The following CACNG2 variants were observed in gnomAD, a reference collection of about 807,000 sequenced individuals.
CACNG2 encodes the protein voltage-dependent calcium channel gamma-2 subunit.
A neutral mutation model predicts 25.9 loss-of-function variants in CACNG2; 3 were observed. That is an observed-to-expected ratio of 0.12 (90% CI 0.05 to 0.30). The LOEUF (loss-of-function observed/expected upper bound fraction) is 0.30. CACNG2 is among the 10% of genes least tolerant of loss of function. The pLI is 1.00. For missense variants in CACNG2, 341 were observed against 432.5 expected, an observed-to-expected ratio of 0.79 and a Z score of 1.88; for synonymous variants, 167 against 173.3, an observed-to-expected ratio of 0.96 and a Z score of 0.29.
chr22:36,564,595 G>C lies in CACNG2; in HGVS notation c.728C>G (p.Ser243Cys). ...YQRRSRSSSR[S>C]TEPSHSRDAS... Reference sequence around the variant, plus strand: ...GTCCCTGGAGTGTGAGGGCTCCGTGGAGCGCGAGCTGGAGCGGCTGCGGCG... The same window carrying C: ...GTCCCTGGAGTGTGAGGGCTCCGTGCAGCGCGAGCTGGAGCGGCTGCGGCG... Residue 243 changes from serine (S) to cysteine (C), a missense_variant, in exon 4 of 4, where the codon TCC becomes TGC. Around this residue, in one of 2 missense-constraint regions of CACNG2, gnomAD observed 172 missense variants for 178.1 expected, o/e 0.97. Coordinates refer to ENST00000300105, the MANE Select transcript of CACNG2 (RefSeq NM_006078.5). This position sits in a 1 kb window ranked among gnomAD's most constrained non-coding sequence, Gnocchi z 6.7. 6.2e-7 allele frequency: 1 copy of C among 1,614,038 alleles called. No individual in the cohort carries two copies. The highest frequency in any genetic ancestry group is 8.5e-7 in the Non-Finnish European group (1 of 1,179,974).
At chr22:36,671,612 C>G (rs1046054096) in intron 1 of CACNG2, among the ~76,000 whole-genome samples, 1 of 152,184 alleles carries the variant, frequency 6.6e-6, no homozygotes, top group African/African-American at 2.4e-5. Context: ...GAATCGCCAA[C>G]AAACAATTTT....
chr22:36,697,578 G>C (rs1332724234), intron 1 of CACNG2, among the ~76,000 whole-genome samples: 5 of 152,240 alleles, frequency 3.3e-5, no homozygotes, highest in Non-Finnish European at 7.3e-5. Flanking sequence ...CACCTGGAAA[G>C]AGGAAGCAAG....
At chr22:36,592,821 C>T (rs945035344) in intron 1 of CACNG2, among the ~76,000 whole-genome samples, 5 of 152,150 alleles carry the variant, frequency 3.3e-5, no homozygotes, top group Middle Eastern at 3.2e-3. Flanking sequence ...TTGTCCTCTA[C>T]GGTTCGACTA....
At chr22:36,680,659 CACCACCA>C (rs1937104285) in intron 1 of CACNG2, among the ~76,000 whole-genome samples, 1 of 142,140 alleles carries the variant, frequency 7.0e-6, no homozygotes, top group Non-Finnish European at 1.5e-5. Context: ...TCACCACCAT[CACCACCA>C]TCTTCATGAT....
chr22:36,699,275 A>ACACACACACACACAGACTTTT (rs1555902360), intron 1 of CACNG2, among the ~76,000 whole-genome samples: 14 of 147,656 alleles, frequency 9.5e-5, no homozygotes, highest in African/African-American at 3.5e-4. Context: ...ACACACACAC[A>ACACACACACACACAGACTTTT]CAGACTTTTC....
At chr22:36,659,498 C>A (rs1936757141) in intron 1 of CACNG2, among the ~76,000 whole-genome samples, 1 of 152,086 alleles carries the variant, frequency 6.6e-6, no homozygotes, top group African/African-American at 2.4e-5. Flanking sequence ...TGCCCAAGTT[C>A]ATGAATCCAG....
chr22:36,658,902 G>C (rs1166557923), intron 1 of CACNG2, among the ~76,000 whole-genome samples: 1 of 152,188 alleles, frequency 6.6e-6, no homozygotes, highest in Non-Finnish European at 1.5e-5. Flanking sequence ...CCTGGTATTG[G>C]GGTGGGGACA....
At chr22:36,690,316 G>C (rs1472222224) in intron 1 of CACNG2, among the ~76,000 whole-genome samples, 1 of 152,190 alleles carries the variant, frequency 6.6e-6, no homozygotes, top group Non-Finnish European at 1.5e-5. Flanking sequence ...TCTTGCTGAT[G>C]GCTGCCAAGC....
At chr22:36,613,659 G>A (rs144919128) in intron 1 of CACNG2, among the ~76,000 whole-genome samples, 2,026 of 151,632 alleles carry the variant, frequency 0.013, 30 homozygotes, top group Non-Finnish European at 0.021. Flanking sequence ...TCTGGCTTCC[G>A]TTTTCACTTA....
At chr22:36,648,529 G>A (rs2145973003) in intron 1 of CACNG2, among the ~76,000 whole-genome samples, 1 of 152,178 alleles carries the variant, frequency 6.6e-6, no homozygotes, top group African/African-American at 2.4e-5. Context: ...GCCCAGACAA[G>A]TCTACACTGG....
chr22:36,612,778 T>C (rs1202110660), intron 1 of CACNG2, among the ~76,000 whole-genome samples: 1 of 152,220 alleles, frequency 6.6e-6, no homozygotes, highest in East Asian at 1.9e-4. Flanking sequence ...AGCAGATGCC[T>C]GATATGTTTT....
chr22:36,566,306 C>T lies in CACNG2; in HGVS notation c.436+47G>A, dbSNP rs2267338. On this transcript the variant is annotated intron_variant, in intron 3 of 3. Coordinates refer to ENST00000300105, the MANE Select transcript of CACNG2 (RefSeq NM_006078.5). Reference sequence around the variant, plus strand: ...GGCCCTCGTGGCCCCTGAGCACCCACACCCCAGCCTTCTTCCCAGTGGCAG... The same window carrying T: ...GGCCCTCGTGGCCCCTGAGCACCCATACCCCAGCCTTCTTCCCAGTGGCAG... 3.0e-5 allele frequency: 48 copies of T among 1,606,056 alleles called. No homozygotes were observed. The East Asian group carries it at 1.1e-3, about 36-fold the overall frequency.
At chr22:36,579,078 T>C (rs554287299) in intron 2 of CACNG2, among the ~76,000 whole-genome samples, 12 of 152,072 alleles carry the variant, frequency 7.9e-5, no homozygotes, top group African/African-American at 2.7e-4. Context: ...ACAAGACCTC[T>C]CTCTTACTTC....
chr22:36,601,132 A>G (rs774322011), intron 1 of CACNG2, among the ~76,000 whole-genome samples: 12 of 151,830 alleles, frequency 7.9e-5, no homozygotes, highest in Non-Finnish European at 1.8e-4. Context: ...TTTGACCTAT[A>G]TCTCTCCATT....
chr22:36,621,044 G>A (rs1936096464), intron 1 of CACNG2, among the ~76,000 whole-genome samples: 2 of 152,190 alleles, frequency 1.3e-5, no homozygotes, highest in Non-Finnish European at 2.9e-5. Flanking sequence ...TGTATGAGAT[G>A]GGAGCAATTC....
At chr22:36,685,539 C>T (rs1436072801) in intron 1 of CACNG2, among the ~76,000 whole-genome samples, 1 of 152,212 alleles carries the variant, frequency 6.6e-6, no homozygotes, top group Non-Finnish European at 1.5e-5. Context: ...CACGTTCTGC[C>T]TCTGGCCATG....
chr22:36,564,256 A>T lies in CACNG2; in HGVS notation c.*95T>A, dbSNP rs1603500129. The T allele has an allele frequency of 2.9e-6, 3 of 1,047,674 alleles. No homozygotes were observed. Among genetic ancestry groups the T allele is most frequent in the African/African-American group, 1.7e-5 (1 of 60,152 alleles). The allele number at this position is 1,047,674 out of a possible 1,614,324, so 64.9% of individuals were successfully genotyped here. A position where few individuals can be genotyped will look rare whatever the true frequency, so the allele number is the denominator to read the frequency against. ...TTTTGTTTTTTGTTTTTGCTTTTGGAAGGTCTCCCAGCGGAGGGTCTGGGT... is the reference window on the plus strand; with the variant it reads ...TTTTGTTTTTTGTTTTTGCTTTTGGTAGGTCTCCCAGCGGAGGGTCTGGGT... On this transcript the variant is annotated 3_prime_UTR_variant, in exon 4 of 4. Transcript: ENST00000300105. This position sits in a 1 kb window ranked among gnomAD's most constrained non-coding sequence, Gnocchi z 6.7.
intron 1 of CACNG2, among the ~76,000 whole-genome samples, chr22:36,634,284 G>A (rs1322941037): frequency 6.6e-6 from 1 of 152,208 alleles, no homozygotes; most frequent in Non-Finnish European, 1.5e-5. Context: ...TGAATGGGAT[G>A]TATGTCACTT....
chr22:36,578,886 C>T (rs1935368226), intron 2 of CACNG2, among the ~76,000 whole-genome samples: 1 of 152,122 alleles, frequency 6.6e-6, no homozygotes, highest in Non-Finnish European at 1.5e-5. Context: ...TGCAGCCACT[C>T]CTTGTGGTGT....
Sources: allele counts gnomAD v4.1 joint callset (sites outside exome capture counted in the v4.1 genomes callset), GRCh38; gene constraint gnomAD v4.1.1; regional missense constraint gnomAD v4.1.1; non-coding constraint Gnocchi (gnomAD v3.1); transcripts MANE v1.5; gene names NCBI Gene and HGNC (gene_info 2026-07-23, HGNC 2026-07-21).